THOC5: variants seen among roughly 807,000 people sequenced by gnomAD.
The protein encoded by THOC5 is Fms-interacting protein.
Under a neutral mutation model 92.9 loss-of-function variants are expected in THOC5, and 43 were observed. That is an observed-to-expected ratio of 0.46 (90% CI 0.36 to 0.60). The LOEUF is 0.60. Among genes scored for constraint, THOC5 ranks in the 20% least tolerant of loss-of-function variants. The pLI is 0.00. For missense variants in THOC5, 659 were observed against 849.4 expected (o/e 0.78, Z 2.79); for synonymous variants, 296 against 320.1 (o/e 0.92, Z 0.80).
intron 4 of THOC5, 31 bp downstream of exon 4, chr22:29,543,398 G>T: frequency 2.2e-6 from 3 of 1,343,000 alleles, no homozygotes; most frequent in Non-Finnish European, 3.2e-6. Flanking sequence ...GAGGAAGGAG[G>T]AAGGTTAAAA....
intron 12 of THOC5, among the ~76,000 whole-genome samples, chr22:29,521,740 A>AGTT (rs2063445715): frequency 6.6e-6 from 1 of 152,230 alleles, no homozygotes; most frequent in South Asian, 2.1e-4. Context: ...GTTCGGGCAC[A>AGTT]GTTTGTCATT....
chr22:29,544,755 C>T lies in THOC5; in HGVS notation c.97-152G>A, dbSNP rs1601456499. 3.5e-5 allele frequency: 26 copies of T among 743,840 alleles called. No homozygotes were observed. In the South Asian group the frequency reaches 6.6e-4, roughly 19 times the overall value. 46.1% of individuals were successfully genotyped at this position (743,840 alleles called of 1,614,324 possible). A position where few individuals can be genotyped will look rare whatever the true frequency, so the allele number is the denominator to read the frequency against. On this transcript the variant is annotated intron_variant, in intron 2 of 19. Transcript: ENST00000490103. The stretch of plus-strand genomic sequence containing the variant: ...AAAGATCTGGTCCTTAAATTAAATG[C>T]TTTTCTTCTCTTCAAAATAGAAACC...
intron 19 of THOC5, 81 bp downstream of exon 19, chr22:29,511,025 A>G (rs1487745029): frequency 1.4e-6 from 2 of 1,476,014 alleles, no homozygotes; most frequent in Non-Finnish European, 1.8e-6. Flanking sequence ...AGGAAGAAGC[A>G]AGCTCTCCCC....
At position 29,543,303 on chromosome 22, in the gene THOC5, G is replaced by A. The variant is rs937458303; in HGVS notation, c.354+126C>T. The A allele has an allele frequency of 3.0e-5, 19 of 625,988 alleles. No individual in the cohort carries two copies. In the African/African-American group the frequency reaches 3.6e-4, roughly 12 times the overall value. 38.8% of individuals were successfully genotyped at this position (625,988 alleles called of 1,614,324 possible). ...GCAGAGGATGTGGTGAGCTGAGATC[G>A]TGCCACTGCACTCTAGCCTGGGGGA... On this transcript the variant is annotated intron_variant, in intron 4 of 19. Transcript: ENST00000490103.
intron 18 of THOC5, 73 bp from the exon 19 acceptor site, chr22:29,511,369 T>C: frequency 2.0e-6 from 3 of 1,530,948 alleles, no homozygotes; most frequent in Non-Finnish European, 2.6e-6. Flanking sequence ...CAGGCTTCCG[T>C]CCCTGGATGG....
chr22:29,532,770 G>C (rs1271893140), intron 7 of THOC5, among the ~76,000 whole-genome samples: 3 of 152,156 alleles, frequency 2.0e-5, no homozygotes, highest in Non-Finnish European at 4.4e-5. Flanking sequence ...CTGAGGTCAG[G>C]AGTTTGAGAC....
chr22:29,551,969 T>G (rs995326205), intron 1 of THOC5, among the ~76,000 whole-genome samples: 15 of 152,132 alleles, frequency 9.9e-5, no homozygotes, highest in Middle Eastern at 3.4e-3. Context: ...TATTTTTTGG[T>G]GGAGACGGGG....
At chr22:29,540,552 T>C (rs112600960) in intron 5 of THOC5, among the ~76,000 whole-genome samples, 1 of 152,226 alleles carries the variant, frequency 6.6e-6, no homozygotes, top group Non-Finnish European at 1.5e-5. Flanking sequence ...TCAAGGCCTA[T>C]GCTCCTTCCA....
At chr22:29,521,263 C>T (rs749592100) in intron 12 of THOC5, among the ~76,000 whole-genome samples, 164 bp from the exon 13 acceptor site, 1 of 152,160 alleles carries the variant, frequency 6.6e-6, no homozygotes, top group Non-Finnish European at 1.5e-5. Flanking sequence ...GAGGTCATTG[C>T]ATCCTTACAA....
chr22:29,535,764 C>G (rs117739623), intron 7 of THOC5: 5 of 152,222 alleles, frequency 3.3e-5, no homozygotes, highest in Non-Finnish European at 7.3e-5. Context: ...AATTTCTGCT[C>G]TATCACCCAG....
chr22:29,533,589 T>C (rs2063697586), intron 7 of THOC5, among the ~76,000 whole-genome samples: 1 of 152,144 alleles, frequency 6.6e-6, no homozygotes, highest in Non-Finnish European at 1.5e-5. Flanking sequence ...CATGCACTCA[T>C]TAAAAGATAC....
chr22:29,540,145 G>A (rs2063850576), intron 5 of THOC5, among the ~76,000 whole-genome samples: 1 of 152,158 alleles, frequency 6.6e-6, no homozygotes, highest in African/African-American at 2.4e-5. Flanking sequence ...GGTGACGCAT[G>A]CCTGTAATCC....
chr22:29,535,723 G>A (rs2063746710), intron 7 of THOC5: 1 of 152,184 alleles, frequency 6.6e-6, no homozygotes, highest in African/African-American at 2.4e-5. Context: ...TAACCATGCA[G>A]AGGCTTTGGT....
chr22:29,519,147 C>A (rs976153314), intron 14 of THOC5, 27 bp from the exon 15 acceptor site: 3 of 1,501,972 alleles, frequency 2.0e-6, no homozygotes, highest in East Asian at 4.6e-5. Flanking sequence ...GACACATACA[C>A]GTGTGCTCCC....
chr22:29,552,126 G>A (rs1422361066), intron 1 of THOC5, among the ~76,000 whole-genome samples: 1 of 151,176 alleles, frequency 6.6e-6, no homozygotes, highest in African/African-American at 2.4e-5. Flanking sequence ...GCGTGATCTC[G>A]GCTCGCTACA....
intron 5 of THOC5, among the ~76,000 whole-genome samples, chr22:29,539,729 T>A (rs1210712103): frequency 6.6e-6 from 1 of 152,174 alleles, no homozygotes; most frequent in Non-Finnish European, 1.5e-5. Context: ...GGGATTCTTA[T>A]CAAATTTACA....
At chr22:29,546,673 C>A (rs952673682) in intron 2 of THOC5, among the ~76,000 whole-genome samples, 1 of 152,082 alleles carries the variant, frequency 6.6e-6, no homozygotes, top group Non-Finnish European at 1.5e-5. Context: ...CTTCTGACCT[C>A]AAGTGATCCA....
chr22:29,545,853 G>A lies in THOC5; in HGVS notation c.97-1250C>T, dbSNP rs140511746. On this transcript the variant is annotated intron_variant, in intron 2 of 19. Coordinates refer to ENST00000490103, the MANE Select transcript of THOC5 (RefSeq NM_003678.5). ...CTACCATTCTAGGGTCTGAAGGGACGGTGGCCCTCTTCTCACAGCTCTACT... is the reference window on the plus strand; with the variant it reads ...CTACCATTCTAGGGTCTGAAGGGACAGTGGCCCTCTTCTCACAGCTCTACT... Among the ~76,000 whole-genome samples, 33 of 152,304 alleles carry A rather than the reference G, an allele frequency of 2.2e-4. 1 individual carries two copies. Among genetic ancestry groups the A allele is most frequent in the African/African-American group, 7.5e-4 (31 of 41,566 alleles).
rs1161960965 is a variant in THOC5 at position 29,520,021 on chromosome 22, T to G, written c.1361A>C (p.Lys454Thr). ...CAGTGTACAGACCTGGGGCTGCTCT[T>G]TGGGGAAGTGGAGGCCACCCAGCTT... is the stretch of plus-strand genomic sequence containing the variant. ...VQKLGGLHFP[K>T]EQPQQTVIAD... The change falls in exon 14 of 20, where the codon AAA becomes ACA. Residue 454 changes from lysine (K) to threonine (T), a missense_variant. By Grantham distance (78) the Lys-to-Thr change is moderately conservative (BLOSUM62 -1). Coordinates refer to ENST00000490103, the MANE Select transcript of THOC5 (RefSeq NM_003678.5). The G allele has an allele frequency of 6.2e-7, 1 of 1,613,668 alleles. No homozygotes were observed. The highest frequency in any genetic ancestry group is 1.7e-5 in the Admixed American group (1 of 59,964).
Sources: allele counts gnomAD v4.1 joint callset (sites outside exome capture counted in the v4.1 genomes callset), GRCh38; gene constraint gnomAD v4.1.1; transcripts MANE v1.5; gene names NCBI Gene and HGNC (gene_info 2026-07-23, HGNC 2026-07-21).